The following LRIG1 variants were observed in gnomAD, a reference collection of about 807,000 sequenced individuals.
The protein encoded by LRIG1 is leucine-rich repeats and immunoglobulin-like domains protein 1.
LRIG1 carries 48 observed loss-of-function variants against 99.2 expected under a neutral mutation model. That is an observed-to-expected ratio of 0.48 (90% CI 0.38 to 0.62). LRIG1 has a LOEUF of 0.62. LRIG1 is among the 20% of genes least tolerant of loss of function. The probability of loss-of-function intolerance (pLI) is 0.00; values close to 1 mark genes in which losing one functional copy is unlikely to be tolerated. For synonymous variants in LRIG1, 772 were observed against 596.1 expected (o/e 1.29, Z -4.30); for missense variants, 1,646 against 1,434.4 (o/e 1.15, Z -2.38).
At chr3:66,382,431 G>T (rs760264912) in intron 15 of LRIG1, 33 bp from the exon 16 acceptor site, 2 of 1,613,698 alleles carry the variant, frequency 1.2e-6, no homozygotes, top group Non-Finnish European at 8.5e-7. Flanking sequence ...GAACACCAGG[G>T]TCTCAGTGAC....
intron 1 of LRIG1, among the ~76,000 whole-genome samples, chr3:66,465,733 G>T (rs905815077): frequency 2.0e-5 from 3 of 151,908 alleles, no homozygotes; most frequent in African/African-American, 7.3e-5. Context: ...CCATTTTTAA[G>T]TGTACTCTTC....
At chr3:66,420,811 T>TAAAC (rs1702782897) in intron 3 of LRIG1, among the ~76,000 whole-genome samples, 1 of 152,180 alleles carries the variant, frequency 6.6e-6, no homozygotes, top group Non-Finnish European at 1.5e-5. Flanking sequence ...ATCTGTTGTT[T>TAAAC]AACGGTGTAT....
chr3:66,394,224 G>A (rs964306177), intron 11 of LRIG1, 21 bp from the exon 12 acceptor site: 3 of 1,556,662 alleles, frequency 1.9e-6, no homozygotes, highest in Non-Finnish European at 2.6e-6. Context: ...CACAACAGTG[G>A]ATGCTTCAGG....
At chr3:66,380,996 T>C in intron 17 of LRIG1, 135 bp from the exon 18 acceptor site, 1 of 821,462 alleles carries the variant, frequency 1.2e-6, no homozygotes, top group Non-Finnish European at 1.9e-6. Context: ...GCTTCCTCTT[T>C]TCCCCAACTA....
At chr3:66,381,107 C>T (rs1161693859) in intron 17 of LRIG1, among the ~76,000 whole-genome samples, 1 of 152,186 alleles carries the variant, frequency 6.6e-6, no homozygotes, top group African/African-American at 2.4e-5. Flanking sequence ...CTTACTGCTT[C>T]ACGGGGGAAA....
intron 3 of LRIG1, among the ~76,000 whole-genome samples, chr3:66,445,524 C>G (rs995439197): frequency 3.9e-5 from 6 of 152,120 alleles, no homozygotes; most frequent in Non-Finnish European, 8.8e-5. Context: ...AATCTCTACG[C>G]CCACCTCGAC....
At chr3:66,433,054 G>A (rs1240383117) in intron 3 of LRIG1, among the ~76,000 whole-genome samples, 1 of 152,154 alleles carries the variant, frequency 6.6e-6, no homozygotes, top group African/African-American at 2.4e-5. Flanking sequence ...AGTGGTCAGC[G>A]GCCATGTCCC....
chr3:66,438,508 C>T (rs1052227040), intron 3 of LRIG1, among the ~76,000 whole-genome samples: 2 of 151,964 alleles, frequency 1.3e-5, no homozygotes, highest in East Asian at 1.9e-4. Flanking sequence ...TTTTGTGAAA[C>T]GTCCTATAAT....
chr3:66,441,672 C>T (rs1575694253), intron 3 of LRIG1, among the ~76,000 whole-genome samples: 1 of 152,216 alleles, frequency 6.6e-6, no homozygotes, highest in African/African-American at 2.4e-5. Context: ...CTCCACACTC[C>T]AGAGTATCAT....
chr3:66,466,181 A>G (rs1395730782), intron 1 of LRIG1, among the ~76,000 whole-genome samples: 1 of 152,018 alleles, frequency 6.6e-6, no homozygotes, highest in Non-Finnish European at 1.5e-5. Flanking sequence ...ACAGGCACAC[A>G]CACCACCACA....
At position 66,484,999 on chromosome 3, in the gene LRIG1, A is replaced by T. The variant is rs748190809; in HGVS notation, c.218+15191T>A. Among the ~76,000 whole-genome samples, 6 of 152,042 alleles carry T rather than the reference A, an allele frequency of 3.9e-5. No homozygotes were observed. The South Asian group carries it at 1.2e-3, about 32-fold the overall frequency. Reference sequence around the variant, plus strand: ...TGAAACCCTGTCTCTACCCCCAAAAAATACAAAAATTAGCCAGGCATGGTG... The same window carrying T: ...TGAAACCCTGTCTCTACCCCCAAAATATACAAAAATTAGCCAGGCATGGTG... On this transcript the variant is annotated intron_variant, in intron 1 of 18. Transcript: ENST00000273261.
intron 3 of LRIG1, among the ~76,000 whole-genome samples, chr3:66,422,439 AC>A (rs1195856101): frequency 6.6e-6 from 1 of 152,206 alleles, no homozygotes; most frequent in East Asian, 1.9e-4. Flanking sequence ...TCAAAGTTCC[AC>A]AAATCTCTAG....
chr3:66,394,280 G>T, intron 11 of LRIG1, 77 bp from the exon 12 acceptor site: 1 of 1,266,010 alleles, frequency 7.9e-7, no homozygotes, highest in Non-Finnish European at 1.1e-6. Context: ...ACAATGATCA[G>T]TCGCCTCCAA....
intron 1 of LRIG1, among the ~76,000 whole-genome samples, chr3:66,498,577 A>AC (rs1364923576): frequency 3.3e-5 from 5 of 152,056 alleles, no homozygotes; most frequent in African/African-American, 1.2e-4. Context: ...AAAAAAAAAA[A>AC]AAAACTACCG....
Position 66,381,608 on chromosome 3 carries a change from G to A in LRIG1, c.2641C>T (p.His881Tyr), listed in dbSNP as rs1701068613. 5 of 1,613,970 alleles carry A rather than the reference G, an allele frequency of 3.1e-6. No homozygotes were observed. The highest frequency in any genetic ancestry group is 4.2e-6 in the Non-Finnish European group (5 of 1,179,844). ...CTGTGAGTGTCGGGCTCTGGAAAGT[G>A]GCTTGCATCTCTTGGACACACACCT... is the stretch of plus-strand genomic sequence containing the variant. ...SNGVCPRDAS[H>Y]FPEPDTHSVA... Residue 881 changes from histidine to tyrosine, a missense_variant, in exon 17 of 19, where the codon CAC (histidine) becomes TAC (tyrosine). Transcript: ENST00000273261.
intron 1 of LRIG1, among the ~76,000 whole-genome samples, chr3:66,476,956 G>A (rs976813095): frequency 6.6e-6 from 1 of 152,170 alleles, no homozygotes; most frequent in African/African-American, 2.4e-5. Flanking sequence ...GCACTGTGAC[G>A]CACGACACAC....
intron 3 of LRIG1, among the ~76,000 whole-genome samples, chr3:66,435,828 T>C (rs150973604): frequency 5.3e-5 from 8 of 152,192 alleles, no homozygotes; most frequent in Non-Finnish European, 1.0e-4. Context: ...TATCCCTAAG[T>C]ATCATTAAAA....
intron 3 of LRIG1, among the ~76,000 whole-genome samples, chr3:66,421,084 A>G: frequency 6.6e-6 from 1 of 152,172 alleles, no homozygotes; most frequent in East Asian, 1.9e-4. Context: ...ACCTGCCCCC[A>G]TAACTCAATC....
intron 2 of LRIG1, among the ~76,000 whole-genome samples, chr3:66,453,197 G>A (rs1193926925): frequency 6.6e-6 from 1 of 152,162 alleles, no homozygotes; most frequent in Non-Finnish European, 1.5e-5. Flanking sequence ...AACTAAGGTC[G>A]GGGACCTGCT....
Sources: gnomAD v4.1 joint callset for allele counts (sites outside exome capture counted in the v4.1 genomes callset) on GRCh38, gnomAD v4.1.1 for gene constraint, MANE v1.5 for transcripts, NCBI Gene and HGNC (gene_info 2026-07-23, HGNC 2026-07-21) for gene names.